The following SDCCAG8 variants were observed in gnomAD, a reference collection of about 807,000 sequenced individuals.
SDCCAG8 encodes serologically defined colon cancer antigen 8.
A neutral mutation model predicts 101.8 loss-of-function variants in SDCCAG8; 74 were observed. The observed-to-expected ratio is 0.73, with a 90% CI of 0.60 to 0.88. The LOEUF (loss-of-function observed/expected upper bound fraction) is 0.88. Among genes scored for constraint, SDCCAG8 ranks in the 40% least tolerant of loss-of-function variants. The pLI is 0.00. For missense variants in SDCCAG8, 787 were observed against 822.6 expected (o/e 0.96, Z 0.53); for synonymous variants, 281 against 292.9 (o/e 0.96, Z 0.41).
intron 16 of SDCCAG8, among the ~76,000 whole-genome samples, chr1:243,486,481 A>G (rs1239382768): frequency 6.6e-6 from 1 of 152,126 alleles, no homozygotes; most frequent in Non-Finnish European, 1.5e-5. Flanking sequence ...TTCCCACCCC[A>G]GTAATCGCTA....
At chr1:243,444,510 T>A (rs2082767206) in intron 16 of SDCCAG8, among the ~76,000 whole-genome samples, 1 of 152,038 alleles carries the variant, frequency 6.6e-6, no homozygotes, top group Non-Finnish European at 1.5e-5. Context: ...TAGCTGGGAC[T>A]ACAGGCACAT....
intron 16 of SDCCAG8, among the ~76,000 whole-genome samples, chr1:243,427,615 A>G (rs1021984221): frequency 2.0e-5 from 3 of 152,184 alleles, no homozygotes; most frequent in African/African-American, 7.2e-5. Flanking sequence ...TCTTGATATA[A>G]TTGAAGGAAA....
chr1:243,329,480 C>T (rs1006797814), intron 9 of SDCCAG8, among the ~76,000 whole-genome samples: 3 of 152,144 alleles, frequency 2.0e-5, no homozygotes, highest in Non-Finnish European at 2.9e-5. Context: ...CCATTTCCAT[C>T]TCCATTAAAA....
At chr1:243,334,777 A>G (rs116371711) in intron 10 of SDCCAG8, among the ~76,000 whole-genome samples, 5,032 of 152,130 alleles carry the variant, frequency 0.033, 264 homozygotes, top group African/African-American at 0.11. Context: ...TTATAGAGAC[A>G]GGTTTTTGCC....
intron 10 of SDCCAG8, among the ~76,000 whole-genome samples, chr1:243,331,434 GT>G (rs2074585477): frequency 6.6e-6 from 1 of 152,164 alleles, no homozygotes. Context: ...GATTCAATGT[GT>G]GATAATTAAC....
Position 243,364,740 on chromosome 1 carries a change from G to C in SDCCAG8, c.1474-13981G>C, listed in dbSNP as rs558792837. ...CATTTGAGGTTTTCTTGGTTTGAGA[G>C]AAAATAAACATTTTCTTTTGTCCTA... is the stretch of plus-strand genomic sequence containing the variant. On this transcript the variant is annotated intron_variant, in intron 12 of 17. Transcript: ENST00000366541. Among the ~76,000 whole-genome samples the C allele has an allele frequency of 3.3e-5, 5 of 152,194 alleles. No homozygotes were observed. In the East Asian group the frequency reaches 7.7e-4, roughly 24 times the overall value.
At chr1:243,395,100 T>G (rs1321145489) in intron 13 of SDCCAG8, among the ~76,000 whole-genome samples, 3 of 152,192 alleles carry the variant, frequency 2.0e-5, no homozygotes, top group African/African-American at 7.2e-5. Flanking sequence ...TGTGTGTGAC[T>G]GGAAGTGATG....
intron 4 of SDCCAG8, among the ~76,000 whole-genome samples, chr1:243,278,669 TG>T (rs1369588348): frequency 2.0e-5 from 3 of 152,240 alleles, no homozygotes; most frequent in Non-Finnish European, 4.4e-5. Context: ...CAGCATTTTT[TG>T]TTGATTCTTT....
At chr1:243,456,763 C>T (rs556497586) in intron 16 of SDCCAG8, among the ~76,000 whole-genome samples, 4 of 152,176 alleles carry the variant, frequency 2.6e-5, no homozygotes, top group African/African-American at 9.6e-5. Flanking sequence ...TCTCTTCGTT[C>T]TTGTGCTTTT....
chr1:243,463,439 GCTGACAGCC>G (rs112261839), intron 16 of SDCCAG8, among the ~76,000 whole-genome samples: 6,165 of 152,220 alleles, frequency 0.041, 391 homozygotes, highest in African/African-American at 0.14. Context: ...ATGACTTCTG[GCTGACAGCC>G]CTGACATCCC....
chr1:243,346,852 T>A (rs1243132680), intron 12 of SDCCAG8, among the ~76,000 whole-genome samples: 1 of 152,138 alleles, frequency 6.6e-6, no homozygotes, highest in Admixed American at 6.5e-5. Context: ...GAAATTTTTT[T>A]AGGCAATGGT....
intron 13 of SDCCAG8, among the ~76,000 whole-genome samples, chr1:243,392,432 C>CT (rs1320234685): frequency 6.6e-6 from 1 of 152,212 alleles, no homozygotes; most frequent in Non-Finnish European, 1.5e-5. Context: ...GGAAGCAGCT[C>CT]TGTGCCCTAG....
At chr1:243,259,330 C>A (rs375942128) in intron 1 of SDCCAG8, among the ~76,000 whole-genome samples, 2 of 151,748 alleles carry the variant, frequency 1.3e-5, no homozygotes, top group African/African-American at 2.4e-5. Flanking sequence ...TGGCATGAAC[C>A]CAGGAGGTGG....
intron 13 of SDCCAG8, among the ~76,000 whole-genome samples, chr1:243,384,597 C>CACACAA (rs1426211953): frequency 5.3e-5 from 8 of 151,760 alleles, no homozygotes; most frequent in Middle Eastern, 6.8e-3. Flanking sequence ...AAACCACACA[C>CACACAA]ACACACACAC....
intron 13 of SDCCAG8, among the ~76,000 whole-genome samples, chr1:243,386,518 C>A (rs149403238): frequency 1.2e-4 from 18 of 152,176 alleles, no homozygotes; most frequent in African/African-American, 4.3e-4. Flanking sequence ...CTTTGGGAGG[C>A]CGAGACAGGC....
chr1:243,264,053 G>T (rs2067394036), intron 1 of SDCCAG8, among the ~76,000 whole-genome samples: 1 of 152,172 alleles, frequency 6.6e-6, no homozygotes, highest in Admixed American at 6.5e-5. Context: ...TCGGCCTCGG[G>T]AGGAATGGTT....
chr1:243,357,022 A>T (rs2147837749), intron 12 of SDCCAG8, among the ~76,000 whole-genome samples: 1 of 151,544 alleles, frequency 6.6e-6, no homozygotes, highest in South Asian at 2.1e-4. Context: ...ATATAATAAT[A>T]ACTTTATGTA....
At chr1:243,419,971 A>AGTACTTT (rs2080875482) in intron 15 of SDCCAG8, among the ~76,000 whole-genome samples, 1 of 152,206 alleles carries the variant, frequency 6.6e-6, no homozygotes, top group Non-Finnish European at 1.5e-5. Context: ...GCTCCTGAAC[A>AGTACTTT]GTACTTTGTA....
rs145529387 is a variant in SDCCAG8 at position 243,299,111 on chromosome 1, G to A, written c.676-5602G>A. 4.2e-3 allele frequency among the ~76,000 whole-genome samples: 633 copies of A among 152,250 alleles called. 5 individuals carry two copies. Among genetic ancestry groups the A allele is most frequent in the African/African-American group, 0.015 (610 of 41,552 alleles). Reference sequence around the variant, plus strand: ...AATAACCTTTCATAGTCTTCTGAGTGAAGGTTTCATACATCTTTCATTAGA... The same window carrying A: ...AATAACCTTTCATAGTCTTCTGAGTAAAGGTTTCATACATCTTTCATTAGA... On this transcript the variant is annotated intron_variant, in intron 6 of 17. Coordinates refer to ENST00000366541, the MANE Select transcript of SDCCAG8 (RefSeq NM_006642.5).
Sources: allele counts gnomAD v4.1 joint callset (sites outside exome capture counted in the v4.1 genomes callset), GRCh38; gene constraint gnomAD v4.1.1; transcripts MANE v1.5; gene names NCBI Gene and HGNC (gene_info 2026-07-23, HGNC 2026-07-21).